NR3C2: variants seen among roughly 807,000 people sequenced by gnomAD.
NR3C2 encodes mineralocorticoid receptor.
Under a neutral mutation model 86.4 loss-of-function variants are expected in NR3C2, and 15 were observed. That is an observed-to-expected ratio of 0.17 (90% confidence interval 0.12 to 0.27). The LOEUF is 0.27. Ranked by LOEUF, NR3C2 falls within the 10% of genes least tolerant of loss-of-function variation. The probability of loss-of-function intolerance (pLI) is 1.00; values close to 1 mark genes in which losing one functional copy is unlikely to be tolerated. For synonymous variants in NR3C2, 458 were observed against 450.5 expected (o/e 1.02, Z -0.21); for missense variants, 960 against 1,195.6 (o/e 0.80, Z 2.91).
chr4:148,136,078 A>AAC (rs1340481549), intron 6 of NR3C2, among the ~76,000 whole-genome samples: 8 of 33,578 alleles, frequency 2.4e-4, no homozygotes, highest in African/African-American at 7.6e-4. Flanking sequence ...AAAAAAAAAC[A>AAC]AAAAAAAAAA....
intron 2 of NR3C2, among the ~76,000 whole-genome samples, chr4:148,271,499 T>C (rs1740682483): frequency 6.6e-6 from 1 of 152,172 alleles, no homozygotes; most frequent in Non-Finnish European, 1.5e-5. Flanking sequence ...CACACTGAAC[T>C]AGTGCTGCTC....
At chr4:148,306,828 T>C (rs1351169414) in intron 2 of NR3C2, among the ~76,000 whole-genome samples, 2 of 152,300 alleles carry the variant, frequency 1.3e-5, no homozygotes, top group East Asian at 3.9e-4. Context: ...ATAGCACATA[T>C]ATCTTATGGG....
Position 148,300,401 on chromosome 4 carries a change from A to C in NR3C2, c.1758-40284T>G, listed in dbSNP as rs181141321. The stretch of plus-strand genomic sequence containing the variant: ...GGAATACTGGCTGCTTGGCACAGCT[A>C]AAGTCAGGTAGAAAGGGATTTAAAA... On this transcript the variant is annotated intron_variant, in intron 2 of 8. Coordinates refer to ENST00000358102, the MANE Select transcript of NR3C2 (RefSeq NM_000901.5). 9.2e-5 allele frequency among the ~76,000 whole-genome samples: 14 copies of C among 152,332 alleles called. No homozygotes were observed. In the East Asian group the frequency reaches 2.5e-3, roughly 27 times the overall value.
At chr4:148,366,584 T>A (rs868211502) in intron 2 of NR3C2, among the ~76,000 whole-genome samples, 8 of 56,824 alleles carry the variant, frequency 1.4e-4, no homozygotes, top group African/African-American at 5.1e-4. Flanking sequence ...TTCAACAAAG[T>A]CTAAATTGAT....
chr4:148,431,978 A>C (rs139259277), intron 2 of NR3C2, among the ~76,000 whole-genome samples: 2,062 of 152,250 alleles, frequency 0.014, 52 homozygotes, highest in African/African-American at 0.046. Flanking sequence ...AATTAAAACT[A>C]AAATTAAATT....
chr4:148,216,341 CAA>C (rs1031207393), intron 3 of NR3C2, among the ~76,000 whole-genome samples: 11 of 152,116 alleles, frequency 7.2e-5, no homozygotes, highest in Non-Finnish European at 8.8e-5. Context: ...CTGCCGAAGT[CAA>C]AAGTGTGCTT....
At chr4:148,187,523 T>C (rs1735985045) in intron 4 of NR3C2, among the ~76,000 whole-genome samples, 1 of 152,064 alleles carries the variant, frequency 6.6e-6, no homozygotes, top group African/African-American at 2.4e-5. Context: ...TGTGTATTCA[T>C]GTCCTTAGCC....
At chr4:148,361,359 A>G (rs569037996) in intron 2 of NR3C2, among the ~76,000 whole-genome samples, 24 of 152,294 alleles carry the variant, frequency 1.6e-4, no homozygotes, top group Admixed American at 9.2e-4. Context: ...TCTTTCTTAA[A>G]TGTAATATAA....
upstream of NR3C2, chr4:148,444,955 C>T (rs968989190): frequency 1.8e-5 from 18 of 984,810 alleles, no homozygotes; most frequent in African/African-American, 2.8e-4. Context: ...ACAGCTCCGG[C>T]GGCCGAGCGC....
intron 2 of NR3C2, among the ~76,000 whole-genome samples, chr4:148,262,300 T>C (rs1007139644): frequency 1.2e-4 from 18 of 152,282 alleles, no homozygotes; most frequent in African/African-American, 4.3e-4. Context: ...CCTCTTTTTC[T>C]ATCCCAACTT....
chr4:148,436,908 T>C lies in NR3C2; in HGVS notation c.-2-46A>G, dbSNP rs1277324193. The C allele has an allele frequency of 6.3e-6, 9 of 1,431,878 alleles. No individual in the cohort carries two copies. In the Admixed American group the frequency reaches 9.7e-5, roughly 15 times the overall value. 88.7% of individuals were successfully genotyped at this position (1,431,878 alleles called of 1,614,324 possible). On this transcript the variant is annotated intron_variant, in intron 1 of 8. Transcript: ENST00000358102. ...AAAAAATTAGAGTCAGTTATAGCAA[T>C]ATTACTCTAAAAGACATTCTAAAAT...
At chr4:148,219,110 C>T (rs1288501326) in intron 3 of NR3C2, among the ~76,000 whole-genome samples, 1 of 152,116 alleles carries the variant, frequency 6.6e-6, no homozygotes, top group African/African-American at 2.4e-5. Flanking sequence ...ATAACCTCAC[C>T]AAAACTTAGT....
In NR3C2 at chr4:148,438,741, C is replaced by T. The variant is rs72645696; in HGVS notation, c.-2-1879G>A. ...TAAATTTGCATTAGATAGCACAAAG[C>T]CCTATGAAGAAATTTAATGTCCAAA... On this transcript the variant is annotated intron_variant, in intron 1 of 8. Transcript: ENST00000358102. Among the ~76,000 whole-genome samples the T allele has an allele frequency of 8.8e-3, 1,345 of 152,228 alleles. 9 individuals are homozygous for T. Among genetic ancestry groups the T allele is most frequent in the East Asian group, 0.034 (176 of 5,178 alleles).
At chr4:148,365,009 G>A (rs1261777904) in intron 2 of NR3C2, among the ~76,000 whole-genome samples, 1 of 152,144 alleles carries the variant, frequency 6.6e-6, no homozygotes, top group Non-Finnish European at 1.5e-5. Context: ...GAAAGCAAAG[G>A]TGTCACTATC....
chr4:148,201,854 C>T (rs560889985), intron 3 of NR3C2, among the ~76,000 whole-genome samples: 4 of 152,286 alleles, frequency 2.6e-5, no homozygotes, highest in Admixed American at 6.5e-5. Context: ...AACATTCTAT[C>T]CCTCTATACA....
intron 3 of NR3C2, among the ~76,000 whole-genome samples, chr4:148,218,317 C>G (rs183611763): frequency 2.8e-4 from 42 of 152,296 alleles, no homozygotes; most frequent in African/African-American, 9.9e-4. Flanking sequence ...GCCTTAAAAA[C>G]CAACATATTA....
intron 3 of NR3C2, among the ~76,000 whole-genome samples, chr4:148,217,492 A>G (rs370592534): frequency 2.0e-5 from 3 of 152,134 alleles, no homozygotes; most frequent in African/African-American, 7.2e-5. Flanking sequence ...AGTCTTTGGA[A>G]CTCACTGGAA....
At chr4:148,225,247 A>G (rs1738083677) in intron 3 of NR3C2, among the ~76,000 whole-genome samples, 1 of 152,134 alleles carries the variant, frequency 6.6e-6, no homozygotes, top group African/African-American at 2.4e-5. Flanking sequence ...TGGCTGGACT[A>G]TAGGAAACAT....
chr4:148,342,022 T>C (rs1744771481), intron 2 of NR3C2, among the ~76,000 whole-genome samples: 1 of 152,146 alleles, frequency 6.6e-6, no homozygotes, highest in African/African-American at 2.4e-5. Flanking sequence ...TCTCTTCTGC[T>C]GCCCTCTTCT....
Sources: allele counts gnomAD v4.1 joint callset (sites outside exome capture counted in the v4.1 genomes callset), GRCh38; gene constraint gnomAD v4.1.1; transcripts MANE v1.5; gene names NCBI Gene and HGNC (gene_info 2026-07-23, HGNC 2026-07-21).